The following RBM33 variants were observed in gnomAD, a reference collection of about 807,000 sequenced individuals.
The protein encoded by RBM33 is RNA binding motif protein 33.
In RBM33, 28 loss-of-function variants were observed where a neutral mutation model predicts 132.6. That is an observed-to-expected ratio of 0.21 (90% CI 0.16 to 0.29). The LOEUF is 0.29. Ranked by LOEUF, RBM33 falls within the 10% of genes least tolerant of loss-of-function variation. The pLI is 1.00. For missense variants in RBM33, 1,291 were observed against 1,518.5 expected, an observed-to-expected ratio of 0.85 and a Z score of 2.49; for synonymous variants, 634 against 593.0, an observed-to-expected ratio of 1.07 and a Z score of -1.01.
At chr7:155,719,011 A>T (rs929561854) in intron 9 of RBM33, among the ~76,000 whole-genome samples, 5 of 152,158 alleles carry the variant, frequency 3.3e-5, no homozygotes, top group African/African-American at 9.7e-5. Flanking sequence ...ACAGAAATGC[A>T]CACTTTGCTG....
chr7:155,764,052 A>G (rs1396643554), intron 15 of RBM33, 34 bp downstream of exon 15: 15 of 1,468,910 alleles, frequency 1.0e-5, no homozygotes, highest in Non-Finnish European at 1.3e-5. Flanking sequence ...AGCCCTGGAA[A>G]CGCGAAGGCC....
chr7:155,736,146 T>A (rs75770210), intron 9 of RBM33, among the ~76,000 whole-genome samples: 2 of 152,228 alleles, frequency 1.3e-5, no homozygotes, highest in Non-Finnish European at 2.9e-5. Context: ...TTGTCTATTC[T>A]GTCAATGCCA....
rs771169428 is a variant in RBM33 at position 155,766,478 on chromosome 7, C to T, written c.3198C>T (p.His1066=). The T allele has an allele frequency of 1.4e-5, 23 of 1,613,188 alleles. No individual in the cohort carries two copies. The highest frequency in any genetic ancestry group is 8.0e-5 in the African/African-American group (6 of 74,906). ...TTTGTTGTCACCAGGCCATCATGCA[C>T]GGACGAGGCAGAGGAGTGGCCGGTC... ...GIHPAKKAIM[H]GRGRGVAGPM... is the part of the protein sequence containing the mutation. The change falls in exon 16 of 18, where the codon CAC becomes CAT. Residue 1066 remains histidine (H), a synonymous_variant. Coordinates refer to ENST00000401878, the MANE Select transcript of RBM33 (RefSeq NM_053043.3).
chr7:155,760,610 A>G (rs764915767), intron 14 of RBM33, among the ~76,000 whole-genome samples: 1 of 152,248 alleles, frequency 6.6e-6, no homozygotes, highest in Non-Finnish European at 1.5e-5. Context: ...CAACATTGCA[A>G]TAGGATTTTG....
In RBM33 at chr7:155,774,697, C is replaced by T; in HGVS notation, c.3464+50C>T. 6.9e-7 allele frequency: 1 copy of T among 1,441,394 alleles called. No homozygotes were observed. The allele number at this position is 1,441,394 out of a possible 1,614,324, so 89.3% of individuals were successfully genotyped here. A position where few individuals can be genotyped will look rare whatever the true frequency, so the allele number is the denominator to read the frequency against. ...GGTGATAAGGGGGCGGGAGCAAGGC[C>T]CTCCTTCCTGTGCCCTCCCATCCAT... On this transcript the variant is annotated intron_variant, in intron 17 of 17. Coordinates refer to ENST00000401878, the MANE Select transcript of RBM33 (RefSeq NM_053043.3). This position sits in a 1 kb window ranked among gnomAD's most constrained non-coding sequence, Gnocchi z 4.2.
intron 5 of RBM33, among the ~76,000 whole-genome samples, chr7:155,693,001 G>A (rs2116944356): frequency 6.6e-6 from 1 of 152,272 alleles, no homozygotes; most frequent in East Asian, 1.9e-4. Flanking sequence ...GATGCATTAA[G>A]TGTAAAGAGC....
rs780648831 is a variant in RBM33, at chr7:155,711,160, T to G, written c.949-43T>G. ...TTTCGGTGAACTTTTGTTTTTTTTT[T>G]TGTGATTTGTAGACTCATTCTCCAA... On this transcript the variant is annotated intron_variant, in intron 7 of 17. Coordinates refer to ENST00000401878, the MANE Select transcript of RBM33 (RefSeq NM_053043.3). 26 of 1,451,020 alleles carry G rather than the reference T, an allele frequency of 1.8e-5. No individual in the cohort carries two copies. In the South Asian group the frequency reaches 2.8e-4, roughly 16 times the overall value. The allele number at this position is 1,451,020 out of a possible 1,614,324, so 89.9% of individuals were successfully genotyped here.
chr7:155,681,034 T>C, intron 5 of RBM33, 126 bp downstream of exon 5: 1 of 723,486 alleles, frequency 1.4e-6, no homozygotes, highest in South Asian at 2.0e-5. Context: ...TATCACTCTC[T>C]GCCAGTTTCT....
chr7:155,729,044 C>T (rs10258146), intron 9 of RBM33, among the ~76,000 whole-genome samples: 2,544 of 152,304 alleles, frequency 0.017, 60 homozygotes, highest in African/African-American at 0.055. Context: ...AATTGACTCA[C>T]AGTTCCGCAT....
At chr7:155,762,929 G>C (rs1802084720) in intron 14 of RBM33, among the ~76,000 whole-genome samples, 1 of 152,182 alleles carries the variant, frequency 6.6e-6, no homozygotes, top group Admixed American at 6.5e-5. Context: ...CGTCCTTGCT[G>C]TTCTTTCCCA....
At chr7:155,704,870 T>G (rs145415151) in intron 6 of RBM33, among the ~76,000 whole-genome samples, 1 of 152,344 alleles carries the variant, frequency 6.6e-6, no homozygotes, top group East Asian at 1.9e-4. Flanking sequence ...TCAGAATTGC[T>G]AATGCCAGCA....
chr7:155,680,649 T>C lies in RBM33; in HGVS notation c.308T>C (p.Leu103Pro). The change falls in exon 5 of 18, where the codon CTC becomes CCC. Residue 103 changes from leucine (L) to proline (P), a missense_variant. Around this residue, in one of 7 missense-constraint regions of RBM33, gnomAD observed 194 missense variants for 249.8 expected, o/e 0.78. Coordinates refer to ENST00000401878, the MANE Select transcript of RBM33 (RefSeq NM_053043.3). The stretch of plus-strand genomic sequence containing the variant: ...TCTGGCATGGTTACATCATTTGAAC[T>C]CTCTGACAACACTAACGACCAATCT... ...ATSGMVTSFE[L>P]SDNTNDQSGE... 1 of 1,609,706 alleles carries C rather than the reference T, an allele frequency of 6.2e-7. No individual in the cohort carries two copies. Among genetic ancestry groups the C allele is most frequent in the Non-Finnish European group, 8.5e-7 (1 of 1,178,144 alleles).
chr7:155,683,723 A>G (rs931638553), intron 5 of RBM33, among the ~76,000 whole-genome samples: 1 of 152,212 alleles, frequency 6.6e-6, no homozygotes, highest in African/African-American at 2.4e-5. Context: ...TAAGGAGTGT[A>G]TATTGGTTTA....
intron 16 of RBM33, among the ~76,000 whole-genome samples, chr7:155,770,594 C>CTT (rs34251346): frequency 6.0e-4 from 82 of 136,266 alleles, no homozygotes; most frequent in South Asian, 5.0e-3. Flanking sequence ...CAGCTGATAC[C>CTT]TTTTTTTTTT....
At chr7:155,765,620 C>T (rs1802188824) in intron 15 of RBM33, among the ~76,000 whole-genome samples, 1 of 152,176 alleles carries the variant, frequency 6.6e-6, no homozygotes, top group African/African-American at 2.4e-5. Context: ...ATCTGGAAAC[C>T]TAGTGCCGTC....
At chr7:155,670,807 T>C (rs1033972388) in intron 2 of RBM33, among the ~76,000 whole-genome samples, 1 of 152,264 alleles carries the variant, frequency 6.6e-6, no homozygotes, top group African/African-American at 2.4e-5. Flanking sequence ...TGTTTCTCAT[T>C]AGTCATGAAA....
At chr7:155,674,141 G>A (rs1250836125) in intron 3 of RBM33, among the ~76,000 whole-genome samples, 1 of 151,660 alleles carries the variant, frequency 6.6e-6, no homozygotes, top group Non-Finnish European at 1.5e-5. Flanking sequence ...ACACTTAAGA[G>A]TTAGTGTGGT....
chr7:155,681,574 G>A (rs917552612), intron 5 of RBM33, among the ~76,000 whole-genome samples: 5 of 151,712 alleles, frequency 3.3e-5, no homozygotes, highest in African/African-American at 1.2e-4. Context: ...AAAGAGATTT[G>A]TTTTTTAAAA....
chr7:155,661,124 G>GTATATA (rs1798632846), intron 1 of RBM33, among the ~76,000 whole-genome samples: 1 of 63,606 alleles, frequency 1.6e-5, no homozygotes, highest in African/African-American at 5.4e-5. Context: ...GTGTGTGTGT[G>GTATATA]TGTGTGTATA....
Sources: allele counts gnomAD v4.1 joint callset (sites outside exome capture counted in the v4.1 genomes callset), GRCh38; gene constraint gnomAD v4.1.1; regional missense constraint gnomAD v4.1.1; non-coding constraint Gnocchi (gnomAD v3.1); transcripts MANE v1.5; gene names NCBI Gene and HGNC (gene_info 2026-07-23, HGNC 2026-07-21).